STARD13: variants seen among roughly 807,000 people sequenced by gnomAD.
STARD13 encodes the protein stAR-related lipid transfer protein 13.
STARD13 carries 62 observed loss-of-function variants against 106.4 expected under a neutral mutation model. That is an observed-to-expected ratio of 0.58 (90% CI 0.48 to 0.72). STARD13 has a LOEUF of 0.72. Ranked by LOEUF, STARD13 falls within the 30% of genes least tolerant of loss-of-function variation. The pLI is 0.00. For synonymous variants in STARD13, 565 were observed against 553.0 expected (o/e 1.02, Z -0.31); for missense variants, 1,387 against 1,424.0 (o/e 0.97, Z 0.42).
chr13:33,351,037 T>C (rs983168225), upstream of STARD13, among the ~76,000 whole-genome samples: 1 of 152,212 alleles, frequency 6.6e-6, no homozygotes, highest in East Asian at 1.9e-4. Flanking sequence ...AGTCAGCTAC[T>C]CGGTTAGGTT....
intron 1 of STARD13, among the ~76,000 whole-genome samples, chr13:33,181,267 TACATACACAC>T: frequency 4.2e-5 from 6 of 142,430 alleles, no homozygotes; most frequent in African/African-American, 1.5e-4. Context: ...CACTCACACA[TACATACACAC>T]ACACACACAC....
In STARD13 at chr13:33,129,560, T is replaced by A. The variant is rs760098725; in HGVS notation, c.1117A>T (p.Thr373Ser). The change falls in exon 5 of 14, where the codon ACA becomes TCA. Residue 373 changes from threonine (T) to serine (S), a missense_variant. Thr to Ser is a moderately conservative substitution (Grantham distance 58). Coordinates refer to ENST00000336934, the MANE Select transcript of STARD13 (RefSeq NM_178006.4). The stretch of plus-strand genomic sequence containing the variant: ...TGGTCCCCTGCATCCGGCAGTGCTG[T>A]CCCCGCCAGCACATCTAGGTCCTCC... ...YLEDLDVLAG[T>S]ALPDAGDQSR... 1.2e-6 allele frequency: 2 copies of A among 1,614,090 alleles called. No individual in the cohort carries two copies. The highest frequency in any genetic ancestry group is 1.7e-6 in the Non-Finnish European group (2 of 1,180,018).
the STARD13 span, among the ~76,000 whole-genome samples, chr13:33,650,164 A>ATGTTTTTTTTTTTTTTT: frequency 1.4e-4 from 7 of 48,374 alleles, 1 homozygote; most frequent in East Asian, 1.5e-3. Flanking sequence ...CGTGACTCCA[A>ATGTTTTTTTTTTTTTTT]TTTTTTTTTT....
At chr13:33,359,021 A>C in the STARD13 span, among the ~76,000 whole-genome samples, 2 of 152,186 alleles carry the variant, frequency 1.3e-5, no homozygotes, top group African/African-American at 4.8e-5. Context: ...CAGCGCCCTG[A>C]CAAAACAGGC....
chr13:33,370,088 C>T, the STARD13 span, among the ~76,000 whole-genome samples: 1 of 152,186 alleles, frequency 6.6e-6, no homozygotes, highest in Non-Finnish European at 1.5e-5. Context: ...TCTGCTTTCT[C>T]ATCTGTAAAA....
At chr13:33,214,461 A>C (rs1039777558) in intron 1 of STARD13, among the ~76,000 whole-genome samples, 1 of 152,116 alleles carries the variant, frequency 6.6e-6, no homozygotes, top group Non-Finnish European at 1.5e-5. Context: ...TGTTAATCAC[A>C]CTTATCAACA....
chr13:33,534,204 C>T, the STARD13 span, among the ~76,000 whole-genome samples: 4 of 152,130 alleles, frequency 2.6e-5, no homozygotes, highest in Admixed American at 1.3e-4. Context: ...AATAGAATGT[C>T]TATTTTATGT....
chr13:33,388,686 C>T, the STARD13 span, among the ~76,000 whole-genome samples: 1 of 152,212 alleles, frequency 6.6e-6, no homozygotes, highest in African/African-American at 2.4e-5. Flanking sequence ...CTCTGACTTG[C>T]ACAAGCCTAT....
At chr13:33,198,983 G>A (rs941313646) in intron 1 of STARD13, among the ~76,000 whole-genome samples, 7 of 152,154 alleles carry the variant, frequency 4.6e-5, no homozygotes, top group African/African-American at 1.7e-4. Context: ...CTTTCCCAAT[G>A]CAGTGATCTC....
intron 1 of STARD13, among the ~76,000 whole-genome samples, chr13:33,168,825 T>C (rs910014746): frequency 2.6e-5 from 4 of 152,218 alleles, no homozygotes; most frequent in Non-Finnish European, 4.4e-5. Flanking sequence ...ATTTGGTATA[T>C]GTTAGGAAAA....
At chr13:33,655,752 A>G in the STARD13 span, among the ~76,000 whole-genome samples, 1 of 152,244 alleles carries the variant, frequency 6.6e-6, no homozygotes. Context: ...GAATGAATTC[A>G]CAAATGCAAA....
the STARD13 span, among the ~76,000 whole-genome samples, chr13:33,643,456 C>T: frequency 0.16 from 24,705 of 152,202 alleles, 4,817 homozygotes; most frequent in African/African-American, 0.45. Flanking sequence ...AGCCAACAGC[C>T]GGCTGGAGAC....
At chr13:33,346,901 G>A (rs1248144273), downstream of STARD13, among the ~76,000 whole-genome samples, 1 of 151,764 alleles carries the variant, frequency 6.6e-6, no homozygotes. Context: ...GCCTCCCAAA[G>A]TAGTAGGATT....
At chr13:33,514,535 T>A in the STARD13 span, among the ~76,000 whole-genome samples, 5 of 152,050 alleles carry the variant, frequency 3.3e-5, no homozygotes, top group Non-Finnish European at 5.9e-5. Flanking sequence ...AAGAGCAGTT[T>A]CCTTAAAGAC....
intron 1 of STARD13, among the ~76,000 whole-genome samples, chr13:33,198,771 A>G (rs1038108992): frequency 6.6e-6 from 1 of 152,166 alleles, no homozygotes; most frequent in Non-Finnish European, 1.5e-5. Flanking sequence ...TATATACTTA[A>G]ATGGACAGGT....
chr13:33,237,774 T>C (rs1164765242), intron 1 of STARD13, among the ~76,000 whole-genome samples: 2 of 152,260 alleles, frequency 1.3e-5, no homozygotes, highest in African/African-American at 4.8e-5. Flanking sequence ...TCCTCTGAAA[T>C]GATTTTTGCC....
At chr13:33,565,241 G>A in the STARD13 span, among the ~76,000 whole-genome samples, 45 of 145,878 alleles carry the variant, frequency 3.1e-4, 4 homozygotes, top group African/African-American at 1.1e-3. Context: ...GGGAAGGGGG[G>A]AAATGAAGAT....
the STARD13 span, among the ~76,000 whole-genome samples, chr13:33,405,421 C>G: frequency 6.6e-6 from 1 of 152,226 alleles, no homozygotes; most frequent in African/African-American, 2.4e-5. Context: ...AAGCCAGGAG[C>G]CATTCCTTGT....
the STARD13 span, among the ~76,000 whole-genome samples, chr13:33,510,344 TTTATAAATAGAAAGAA>T: frequency 6.6e-6 from 1 of 152,260 alleles, no homozygotes; most frequent in African/African-American, 2.4e-5. Flanking sequence ...CTTTGAGAAT[TTTATAAATAGAAAGAA>T]GGCTCATATG....
Sources: gnomAD v4.1 joint callset for allele counts (sites outside exome capture counted in the v4.1 genomes callset) on GRCh38, gnomAD v4.1.1 for gene constraint, MANE v1.5 for transcripts, NCBI Gene and HGNC (gene_info 2026-07-23, HGNC 2026-07-21) for gene names.